Variants in EXOC5 observed in about 807,000 individuals in gnomAD.
EXOC5 encodes exocyst complex component 5, also known as SEC10-like 1.
EXOC5 carries 17 observed loss-of-function variants against 90.8 expected under a neutral mutation model. The ratio of observed to expected loss-of-function variants is 0.19; its 90% confidence interval spans 0.13 to 0.28. The LOEUF is 0.28. EXOC5 is among the 10% of genes least tolerant of loss of function. The pLI is 1.00. For synonymous variants in EXOC5, 260 were observed against 270.0 expected, an observed-to-expected ratio of 0.96 and a Z score of 0.36; for missense variants, 569 against 830.6, an observed-to-expected ratio of 0.69 and a Z score of 3.87.
intron 7 of EXOC5, among the ~76,000 whole-genome samples, chr14:57,234,510 CGTGTGTGTGTGTGT>C (rs375548706): frequency 1.5e-5 from 2 of 130,632 alleles, no homozygotes; most frequent in East Asian, 2.2e-4. Flanking sequence ...TGTATATATA[CGTGTGTGTGTGTGT>C]GTGTGTGTGT....
intron 1 of EXOC5, among the ~76,000 whole-genome samples, chr14:57,259,946 C>G (rs1884451553): frequency 6.6e-6 from 1 of 152,104 alleles, no homozygotes; most frequent in Admixed American, 6.6e-5. Flanking sequence ...GAAAGTCATG[C>G]TCTTGATCCA....
At chr14:57,212,188 C>T (rs924932043) in intron 15 of EXOC5, among the ~76,000 whole-genome samples, 3 of 152,146 alleles carry the variant, frequency 2.0e-5, no homozygotes, top group Non-Finnish European at 4.4e-5. Flanking sequence ...TATATTTACT[C>T]TTCATTGATC....
At chr14:57,247,040 T>C (rs148645563) in intron 2 of EXOC5, among the ~76,000 whole-genome samples, 182 bp from the exon 3 acceptor site, 18 of 152,302 alleles carry the variant, frequency 1.2e-4, no homozygotes, top group African/African-American at 3.4e-4. Flanking sequence ...CTTTCTGTAA[T>C]TTCATAACTT....
rs116422094 is a variant in EXOC5 at position 57,228,872 on chromosome 14, G to A, written c.1296+862C>T. 7.9e-3 allele frequency among the ~76,000 whole-genome samples: 1,170 copies of A among 147,520 alleles called. 20 individuals carry two copies. The highest frequency in any genetic ancestry group is 0.027 in the African/African-American group (1,072 of 39,950). ...AAGTATAAAAAAAAAAAAAAAAAAG[G>A]AGTGTCTGGAACATATTATGTACTA... On this transcript the variant is annotated intron_variant, in intron 12 of 17. Coordinates refer to ENST00000621441, the MANE Select transcript of EXOC5 (RefSeq NM_006544.4).
chr14:57,250,395 C>T (rs138844462), intron 1 of EXOC5, among the ~76,000 whole-genome samples: 1 of 152,162 alleles, frequency 6.6e-6, no homozygotes, highest in Admixed American at 6.5e-5. Flanking sequence ...AAGGTATTAC[C>T]TTCTTCTTGG....
intron 12 of EXOC5, among the ~76,000 whole-genome samples, chr14:57,227,724 T>G (rs962319115): frequency 1.3e-5 from 2 of 152,202 alleles, no homozygotes; most frequent in East Asian, 3.8e-4. Flanking sequence ...TTTTGTAAAC[T>G]GCGTATGCGT....
At chr14:57,233,929 T>C in intron 8 of EXOC5, 46 bp from the exon 9 acceptor site, 3 of 1,599,948 alleles carry the variant, frequency 1.9e-6, no homozygotes, top group South Asian at 1.1e-5. Flanking sequence ...AATTTCTACA[T>C]GATTTTAAAA....
At chr14:57,246,634 T>A in intron 3 of EXOC5, 77 bp downstream of exon 3, 1 of 1,306,740 alleles carries the variant, frequency 7.7e-7, no homozygotes, top group Non-Finnish European at 1.1e-6. Flanking sequence ...ACTAGACTTT[T>A]TTAAGAGCTT....
At chr14:57,268,447 C>A in intron 1 of EXOC5, 175 bp downstream of exon 1, 1 of 1,481,246 alleles carries the variant, frequency 6.8e-7, no homozygotes, top group Non-Finnish European at 9.0e-7. Flanking sequence ...GCACCCCTCC[C>A]CCATTTCACG....
chr14:57,220,427 G>A (rs541901989), intron 13 of EXOC5, among the ~76,000 whole-genome samples: 12 of 152,028 alleles, frequency 7.9e-5, no homozygotes, highest in Admixed American at 2.6e-4. Context: ...TTTTAACCAC[G>A]AAATTAAAAT....
intron 5 of EXOC5, among the ~76,000 whole-genome samples, chr14:57,239,311 T>C (rs1316210623): frequency 1.3e-5 from 2 of 152,166 alleles, no homozygotes; most frequent in Admixed American, 6.5e-5. Context: ...CCTCAGTCGA[T>C]TTCAAAATTC....
chr14:57,267,160 G>A (rs1372411356), intron 1 of EXOC5, among the ~76,000 whole-genome samples: 1 of 152,150 alleles, frequency 6.6e-6, no homozygotes, highest in Non-Finnish European at 1.5e-5. Context: ...GTTCCTAGCA[G>A]GAAAAATGTC....
intron 1 of EXOC5, among the ~76,000 whole-genome samples, chr14:57,264,507 GA>G (rs991427925): frequency 2.0e-5 from 3 of 149,990 alleles, no homozygotes; most frequent in South Asian, 4.2e-4. Context: ...TTTACAGAAA[GA>G]AAAAAAAATG....
chr14:57,220,175 A>C (rs781072392), intron 13 of EXOC5, among the ~76,000 whole-genome samples: 29 of 151,746 alleles, frequency 1.9e-4, no homozygotes, highest in Non-Finnish European at 3.4e-4. Flanking sequence ...TTTTTCTCTT[A>C]ATAATGGAAA....
rs923910109 is a variant in EXOC5 at position 57,205,786 on chromosome 14, C to G, written c.*2823G>C. On this transcript the variant is annotated 3_prime_UTR_variant, in exon 18 of 18. Transcript: ENST00000621441. Reference sequence around the variant, plus strand: ...GATCTACAATGTAATATAAATTAACCTAATTTAAATTAGATTTTAATTTAA... The same window carrying G: ...GATCTACAATGTAATATAAATTAACGTAATTTAAATTAGATTTTAATTTAA... The G allele has an allele frequency of 4.7e-6, 2 of 425,350 alleles. No homozygotes were observed. The highest frequency in any genetic ancestry group is 6.3e-5 in the Admixed American group (2 of 31,820). The allele number at this position is 425,350 out of a possible 1,614,324, so 26.3% of individuals were successfully genotyped here. A position where few individuals can be genotyped will look rare whatever the true frequency, so the allele number is the denominator to read the frequency against.
chr14:57,261,040 C>T (rs1884489463), intron 1 of EXOC5, among the ~76,000 whole-genome samples: 1 of 152,090 alleles, frequency 6.6e-6, no homozygotes, highest in Admixed American at 6.5e-5. Flanking sequence ...ATGTAAATAA[C>T]TATATTTTCT....
At chr14:57,258,244 A>G (rs563224843) in intron 1 of EXOC5, among the ~76,000 whole-genome samples, 2 of 152,326 alleles carry the variant, frequency 1.3e-5, no homozygotes, top group South Asian at 4.1e-4. Context: ...AGACACATGC[A>G]CACGTACGTT....
At chr14:57,222,762 C>CATATAT (rs149486431) in intron 12 of EXOC5, among the ~76,000 whole-genome samples, 17 of 135,242 alleles carry the variant, frequency 1.3e-4, no homozygotes, top group South Asian at 4.4e-4. Flanking sequence ...CACACACACA[C>CATATAT]ATATATATAT....
chr14:57,236,978 A>C (rs1449099933), intron 6 of EXOC5, among the ~76,000 whole-genome samples: 1 of 152,190 alleles, frequency 6.6e-6, no homozygotes, highest in Middle Eastern at 3.2e-3. Flanking sequence ...AAAATGCACT[A>C]TTAAATTAAA....
Sources: allele counts gnomAD v4.1 joint callset (sites outside exome capture counted in the v4.1 genomes callset), GRCh38; gene constraint gnomAD v4.1.1; transcripts MANE v1.5; gene names NCBI Gene and HGNC (gene_info 2026-07-23, HGNC 2026-07-21).